SOX5: variants seen among roughly 807,000 people sequenced by gnomAD.
The protein encoded by SOX5 is transcription factor SOX-5.
SOX5 carries 9 observed loss-of-function variants against 92.0 expected under a neutral mutation model. That is an observed-to-expected ratio of 0.10 (90% CI 0.06 to 0.17). The LOEUF (loss-of-function observed/expected upper bound fraction) is 0.17. Among genes scored for constraint, SOX5 ranks in the 10% least tolerant of loss-of-function variants. The pLI, the probability that SOX5 is intolerant of heterozygous loss-of-function variation, is 1.00. For missense variants in SOX5, 642 were observed against 944.5 expected (o/e 0.68, Z 4.20); for synonymous variants, 344 against 336.3 (o/e 1.02, Z -0.25).
intron 1 of SOX5, among the ~76,000 whole-genome samples, chr12:24,378,355 C>T (rs536222007): frequency 4.1e-4 from 62 of 152,224 alleles, no homozygotes; most frequent in African/African-American, 1.4e-3. Flanking sequence ...ATTTTGCATC[C>T]GATTTCCTGC....
chr12:23,627,931 C>G (rs922420248), intron 8 of SOX5, among the ~76,000 whole-genome samples: 2 of 150,878 alleles, frequency 1.3e-5, no homozygotes, highest in African/African-American at 4.9e-5. Context: ...TGCAAATATT[C>G]TATGTACAAA....
chr12:24,281,812 T>C (rs1945236085), intron 2 of SOX5, among the ~76,000 whole-genome samples: 1 of 152,148 alleles, frequency 6.6e-6, no homozygotes, highest in African/African-American at 2.4e-5. Flanking sequence ...TCTTTGATAA[T>C]GAAAAGGCTA....
In SOX5 at chr12:24,046,731, G is replaced by A. The variant is rs149080112; in HGVS notation, c.-1-150707C>T. On this transcript the variant is annotated intron_variant, in intron 4 of 4. Coordinates refer to the SOX5 transcript ENST00000446891. ...TCTTGCTTTTGTTGCCCAGGCTGGA[G>A]TGCAATGGTGCGATCTCGGCTCACT... 3.5e-3 allele frequency among the ~76,000 whole-genome samples: 519 copies of A among 149,232 alleles called. 2 individuals are homozygous for A. Among genetic ancestry groups the A allele is most frequent in the Middle Eastern group, 0.014 (4 of 280 alleles).
At chr12:23,642,590 T>C (rs938612739) in intron 7 of SOX5, among the ~76,000 whole-genome samples, 1 of 152,150 alleles carries the variant, frequency 6.6e-6, no homozygotes, top group South Asian at 2.1e-4. Flanking sequence ...ACAGAGAGCA[T>C]GTAGGGAAGT....
At chr12:24,218,229 G>GT (rs1056949266) in intron 3 of SOX5, among the ~76,000 whole-genome samples, 3 of 152,162 alleles carry the variant, frequency 2.0e-5, no homozygotes, top group African/African-American at 7.2e-5. Context: ...TAATCTAAAT[G>GT]TTTTTTTAAC....
At chr12:24,208,386 A>C (rs1958243475) in intron 4 of SOX5, among the ~76,000 whole-genome samples, 1 of 152,186 alleles carries the variant, frequency 6.6e-6, no homozygotes, top group Non-Finnish European at 1.5e-5. Flanking sequence ...AAGTCTTCTT[A>C]TTATTTGAAC....
chr12:23,662,106 G>A (rs1213559661), intron 7 of SOX5, among the ~76,000 whole-genome samples: 2 of 151,648 alleles, frequency 1.3e-5, no homozygotes, highest in African/African-American at 4.9e-5. Flanking sequence ...TTATTTTCAA[G>A]TTCTATATTT....
intron 3 of SOX5, among the ~76,000 whole-genome samples, chr12:24,241,602 G>T (rs1239163900): frequency 7.0e-6 from 1 of 143,618 alleles, no homozygotes; most frequent in Non-Finnish European, 1.6e-5. Context: ...TCCATTCCTA[G>T]TTTGCAGCGT....
chr12:24,285,440 T>A (rs1945748813), intron 2 of SOX5, among the ~76,000 whole-genome samples: 1 of 152,224 alleles, frequency 6.6e-6, no homozygotes, highest in Non-Finnish European at 1.5e-5. Context: ...AATCTATTCT[T>A]ATTCTATACC....
intron 2 of SOX5, among the ~76,000 whole-genome samples, chr12:24,336,671 C>T (rs12369764): frequency 0.041 from 6,293 of 152,222 alleles, 183 homozygotes; most frequent in Non-Finnish European, 0.059. Context: ...TCTTGCTTTA[C>T]TACCTAAATA....
At chr12:23,690,725 T>C (rs997357321) in intron 6 of SOX5, among the ~76,000 whole-genome samples, 1 of 152,204 alleles carries the variant, frequency 6.6e-6, no homozygotes, top group African/African-American at 2.4e-5. Flanking sequence ...CCTTATCTCC[T>C]GGCCTGGCCA....
At chr12:24,259,260 G>A (rs575092701) in intron 3 of SOX5, among the ~76,000 whole-genome samples, 5 of 152,124 alleles carry the variant, frequency 3.3e-5, no homozygotes, top group African/African-American at 4.8e-5. Flanking sequence ...GAGAGAGCGC[G>A]CACATGGTTT....
chr12:24,343,177 G>T (rs1371994108), intron 2 of SOX5, among the ~76,000 whole-genome samples: 1 of 152,176 alleles, frequency 6.6e-6, no homozygotes, highest in Non-Finnish European at 1.5e-5. Context: ...AGAAGTCCAG[G>T]TTGGCTTTCA....
At chr12:24,375,503 G>A (rs568538210) in intron 1 of SOX5, among the ~76,000 whole-genome samples, 3 of 151,804 alleles carry the variant, frequency 2.0e-5, no homozygotes, top group Admixed American at 1.3e-4. Flanking sequence ...GGGAGACCGA[G>A]GCAGGTGGAT....
intron 2 of SOX5, among the ~76,000 whole-genome samples, chr12:24,312,267 T>C (rs1949257438): frequency 6.6e-6 from 1 of 152,176 alleles, no homozygotes; most frequent in Non-Finnish European, 1.5e-5. Flanking sequence ...CTAGCTCCCC[T>C]CTCAAAAACA....
At chr12:23,810,209 T>C (rs991016967) in intron 3 of SOX5, among the ~76,000 whole-genome samples, 3 of 152,182 alleles carry the variant, frequency 2.0e-5, no homozygotes, top group Middle Eastern at 3.2e-3. Context: ...TTGAATTAAG[T>C]ACACCAAAAA....
chr12:24,198,265 G>C (rs1324287141), intron 4 of SOX5, among the ~76,000 whole-genome samples: 2 of 152,112 alleles, frequency 1.3e-5, no homozygotes, highest in Non-Finnish European at 2.9e-5. Context: ...GGGTTGGGGA[G>C]GGGGAGGGAA....
intron 8 of SOX5, among the ~76,000 whole-genome samples, chr12:23,607,570 A>G (rs2075398514): frequency 6.6e-6 from 1 of 152,212 alleles, no homozygotes; most frequent in African/African-American, 2.4e-5. Flanking sequence ...TTTAAAACAA[A>G]TAAGCCAAGA....
At chr12:23,779,388 C>T (rs1278817317) in intron 3 of SOX5, among the ~76,000 whole-genome samples, 1 of 148,724 alleles carries the variant, frequency 6.7e-6, no homozygotes. Flanking sequence ...TTGAAATGTG[C>T]TATCTAGTAT....
Sources: allele counts gnomAD v4.1 joint callset (sites outside exome capture counted in the v4.1 genomes callset), GRCh38; gene constraint gnomAD v4.1.1; transcripts MANE v1.5; gene names NCBI Gene and HGNC (gene_info 2026-07-23, HGNC 2026-07-21).